TENM4: variants seen among roughly 807,000 people sequenced by gnomAD.
The protein encoded by TENM4 is teneurin-4.
A neutral mutation model predicts 243.3 loss-of-function variants in TENM4; 82 were observed. That is an observed-to-expected ratio of 0.34 (90% confidence interval 0.28 to 0.40). TENM4 has a LOEUF of 0.40. Ranked by LOEUF, TENM4 falls within the 10% of genes least tolerant of loss-of-function variation. The pLI, the probability that TENM4 is intolerant of heterozygous loss-of-function variation, is 1.00. For synonymous variants in TENM4, 1,412 were observed against 1,456.3 expected (o/e 0.97, Z 0.69); for missense variants, 3,138 against 3,673.3 (o/e 0.85, Z 3.77).
intron 2 of TENM4, among the ~76,000 whole-genome samples, chr11:79,256,193 C>G (rs1855698569): frequency 6.6e-6 from 1 of 152,174 alleles, no homozygotes; most frequent in Admixed American, 6.5e-5. Flanking sequence ...AGCCATAGCT[C>G]TCAGTAACTA....
intron 9 of TENM4, among the ~76,000 whole-genome samples, chr11:78,864,252 T>A (rs1254074355): frequency 1.3e-5 from 2 of 151,816 alleles, no homozygotes; most frequent in African/African-American, 2.4e-5. Context: ...GTGCATATAT[T>A]TCTGTTCTAA....
At chr11:78,696,379 G>A (rs771859257) in intron 28 of TENM4, among the ~76,000 whole-genome samples, 1 of 151,976 alleles carries the variant, frequency 6.6e-6, no homozygotes, top group Non-Finnish European at 1.5e-5. Context: ...ATACCTGAAC[G>A]TGATTCTGAT....
At chr11:79,285,657 G>T (rs1270214120) in intron 2 of TENM4, among the ~76,000 whole-genome samples, 1 of 152,082 alleles carries the variant, frequency 6.6e-6, no homozygotes, top group Non-Finnish European at 1.5e-5. Context: ...GTGTGTGTGT[G>T]TGTGTGGGTG....
At chr11:78,883,722 C>T (rs776434145) in intron 9 of TENM4, among the ~76,000 whole-genome samples, 2 of 152,246 alleles carry the variant, frequency 1.3e-5, no homozygotes, top group African/African-American at 4.8e-5. Context: ...ACAAGGGAAG[C>T]TGTCAGTTTT....
chr11:79,172,806 A>T (rs1364222110), intron 3 of TENM4, among the ~76,000 whole-genome samples: 1 of 151,732 alleles, frequency 6.6e-6, no homozygotes, highest in Non-Finnish European at 1.5e-5. Context: ...GCCCAGCTAA[A>T]TTTTTTGTAT....
At chr11:78,885,653 C>T (rs932941229) in intron 9 of TENM4, among the ~76,000 whole-genome samples, 2 of 152,184 alleles carry the variant, frequency 1.3e-5, no homozygotes, top group East Asian at 1.9e-4. Context: ...GGCGTGGTGC[C>T]GCATACCTGT....
intron 1 of TENM4, among the ~76,000 whole-genome samples, chr11:79,333,230 TCATCCATCCATCCATCTATC>T (rs1590886768): frequency 7.1e-6 from 1 of 140,796 alleles, no homozygotes; most frequent in South Asian, 2.7e-4. Flanking sequence ...GCCTGCCCAT[TCATCCATCCATCCATCTATC>T]CATCCATCCA....
At chr11:79,193,602 AGACT>A (rs976570203) in intron 3 of TENM4, among the ~76,000 whole-genome samples, 15 of 152,098 alleles carry the variant, frequency 9.9e-5, no homozygotes, top group African/African-American at 3.6e-4. Context: ...AACTCCCCAC[AGACT>A]GACACATCTG....
chr11:78,855,981 G>A lies in TENM4; in HGVS notation c.1453C>T (p.Pro485Ser), dbSNP rs191549326. Residue 485 changes from proline to serine, a missense_variant, in exon 11 of 34, where the codon CCT (proline) becomes TCT (serine). Physicochemically the swap from Pro to Ser is moderately conservative, Grantham distance 74 (BLOSUM62 -1). This residue lies in a region of TENM4 where 2,467 missense variants were observed against 3,059.1 expected (regional missense o/e 0.81). Transcript: ENST00000278550. The part of the protein sequence containing the change: ...LVGIYGRKGL[P>S]PSHTQFDFVE... ...CTGGTTACCTGTGTATGTGAAGGAG[G>A]GAGGCCTTTTCTGCCATAAATGCCA... The A allele has an allele frequency of 4.4e-3, 6,840 of 1,551,538 alleles. 26 individuals are homozygous for A. Among genetic ancestry groups the A allele is most frequent in the Non-Finnish European group, 5.4e-3 (6,237 of 1,146,980 alleles).
At chr11:78,923,911 A>G (rs1254278727) in intron 6 of TENM4, among the ~76,000 whole-genome samples, 10 of 149,368 alleles carry the variant, frequency 6.7e-5, no homozygotes, top group Non-Finnish European at 1.3e-4. Context: ...CTGGAGTGCA[A>G]TGGTGTGATC....
intron 15 of TENM4, among the ~76,000 whole-genome samples, chr11:78,792,432 G>A (rs192597972): frequency 1.3e-5 from 2 of 152,268 alleles, no homozygotes; most frequent in East Asian, 3.9e-4. Context: ...AGCTTACAGA[G>A]TTCTTGATTG....
At chr11:78,776,333 C>A (rs746717645) in intron 17 of TENM4, among the ~76,000 whole-genome samples, 4 of 152,298 alleles carry the variant, frequency 2.6e-5, no homozygotes, top group Non-Finnish European at 4.4e-5. Context: ...TAAGTGGTAG[C>A]CTCTGGACTC....
At chr11:78,837,546 T>G (rs1858144846) in intron 12 of TENM4, among the ~76,000 whole-genome samples, 2 of 152,222 alleles carry the variant, frequency 1.3e-5, no homozygotes, top group Non-Finnish European at 2.9e-5. Context: ...GTGATCAACC[T>G]GATGAACCTT....
At chr11:79,053,665 A>G (rs1859861671) in intron 6 of TENM4, among the ~76,000 whole-genome samples, 1 of 152,162 alleles carries the variant, frequency 6.6e-6, no homozygotes, top group African/African-American at 2.4e-5. Context: ...TCCCACCATC[A>G]GAGGAAGCCA....
chr11:79,440,333 C>T lies in TENM4; in HGVS notation c.-321+176G>A, dbSNP rs1859377687. Among the ~76,000 whole-genome samples the T allele has an allele frequency of 6.6e-6, 1 of 152,140 alleles. No homozygotes were observed. The highest frequency in any genetic ancestry group is 2.1e-4 in the South Asian group (1 of 4,834). ...CAGCTTGCCTCTTCGGCCACCCGCG[C>T]CCTAGCCTCCCTCCTCCTGGGCCAG... On this transcript the variant is annotated intron_variant, in intron 1 of 33. Transcript: ENST00000278550. The surrounding 1 kb of genome is among the most constrained non-coding windows in gnomAD (Gnocchi z 4.7).
At chr11:78,957,556 T>G (rs1857232543) in intron 6 of TENM4, among the ~76,000 whole-genome samples, 1 of 152,176 alleles carries the variant, frequency 6.6e-6, no homozygotes, top group Non-Finnish European at 1.5e-5. Flanking sequence ...GTTTCCCATT[T>G]AGAAAGAAAA....
chr11:78,658,106 G>A lies in TENM4; in HGVS notation c.8262C>T (p.Ser2754=), dbSNP rs370068866. 15 of 1,614,022 alleles carry A rather than the reference G, an allele frequency of 9.3e-6. No individual in the cohort carries two copies. The highest frequency in any genetic ancestry group is 2.2e-5 in the East Asian group (1 of 44,882). Residue 2754 remains serine, a synonymous_variant, in exon 34 of 34, where the codon AGC becomes AGT. Transcript: ENST00000278550. The part of the protein sequence containing the change: ...SVEQYPELSD[S]ANNIHFMRQS... ...GTCTCATGAAGTGGATGTTGTTGGC[G>A]CTGTCTGACAGTTCTGGGTACTGCT...
Position 79,427,047 on chromosome 11 carries a change from G to A in TENM4, c.-321+13462C>T, listed in dbSNP as rs548077669. ...ACCAGGAGGTGAAGTGGCAGAGGGGGCTGTCTGCTCAGGGCTTCTCCAGTG... is the reference window on the plus strand; with the variant it reads ...ACCAGGAGGTGAAGTGGCAGAGGGGACTGTCTGCTCAGGGCTTCTCCAGTG... On this transcript the variant is annotated intron_variant, in intron 1 of 33. Transcript: ENST00000278550. Among the ~76,000 whole-genome samples, 93 of 152,286 alleles carry A rather than the reference G, an allele frequency of 6.1e-4. 3 individuals carry two copies. The South Asian group carries it at 0.019, about 31-fold the overall frequency.
intron 6 of TENM4, among the ~76,000 whole-genome samples, chr11:79,049,017 A>T: frequency 6.6e-6 from 1 of 152,304 alleles, no homozygotes; most frequent in South Asian, 2.1e-4. Flanking sequence ...AAGAGTCCTC[A>T]GCACTGATGT....
Sources: gnomAD v4.1 joint callset for allele counts (sites outside exome capture counted in the v4.1 genomes callset) on GRCh38, gnomAD v4.1.1 for gene constraint, gnomAD v4.1.1 regional missense constraint, Gnocchi (gnomAD v3.1) non-coding constraint, MANE v1.5 for transcripts, NCBI Gene and HGNC (gene_info 2026-07-23, HGNC 2026-07-21) for gene names.